MCC: variants seen among roughly 807,000 people sequenced by gnomAD.
MCC encodes MCC regulator of Wnt signaling pathway.
In MCC, 90 loss-of-function variants were observed where a neutral mutation model predicts 116.2. The ratio of observed to expected loss-of-function variants is 0.77; its 90% CI spans 0.65 to 0.92. The LOEUF (loss-of-function observed/expected upper bound fraction) is 0.92, where lower values mean the gene tolerates loss of function less well. Among genes scored for constraint, MCC ranks in the 40% least tolerant of loss-of-function variants. MCC has a pLI of 0.00. For missense variants in MCC, 1,516 were observed against 1,312.2 expected (o/e 1.16, Z -2.40); for synonymous variants, 578 against 510.5 (o/e 1.13, Z -1.78).
chr5:113,289,565 G>A (rs1159684718), intron 3 of MCC, among the ~76,000 whole-genome samples: 1 of 152,040 alleles, frequency 6.6e-6, no homozygotes, highest in Non-Finnish European at 1.5e-5. Flanking sequence ...CATATTTTAA[G>A]AGAACAGGCA....
intron 3 of MCC, among the ~76,000 whole-genome samples, chr5:113,311,328 T>C (rs972876308): frequency 3.3e-5 from 5 of 152,224 alleles, no homozygotes; most frequent in Admixed American, 6.5e-5. Flanking sequence ...GAATTAATGG[T>C]ATGCCCGTGT....
At chr5:113,289,564 A>C (rs1486011967) in intron 3 of MCC, among the ~76,000 whole-genome samples, 1 of 152,116 alleles carries the variant, frequency 6.6e-6, no homozygotes, top group Non-Finnish European at 1.5e-5. Flanking sequence ...CCATATTTTA[A>C]GAGAACAGGC....
chr5:113,061,807 G>A (rs1295755833), intron 14 of MCC, among the ~76,000 whole-genome samples: 2 of 152,168 alleles, frequency 1.3e-5, no homozygotes, highest in Non-Finnish European at 2.9e-5. Flanking sequence ...GGGGGGAAAG[G>A]AGATTTGCTG....
rs145340751 is a variant in MCC at position 113,288,580 on chromosome 5, T to C, written c.627+51939A>G. On this transcript the variant is annotated intron_variant, in intron 3 of 18. Coordinates refer to ENST00000408903, the MANE Select transcript of MCC (RefSeq NM_001085377.2). ...GGCTATGGCAGTGACTATATCCCTT[T>C]ACTCTAATCATATCATTTCATTTTT... Among the ~76,000 whole-genome samples, 4 of 152,378 alleles carry C rather than the reference T, an allele frequency of 2.6e-5. No homozygotes were observed. The East Asian group carries it at 7.7e-4, about 29-fold the overall frequency.
At chr5:113,457,361 C>A (rs186525850) in intron 1 of MCC, among the ~76,000 whole-genome samples, 63 of 152,352 alleles carry the variant, frequency 4.1e-4, no homozygotes, top group African/African-American at 1.5e-3. Flanking sequence ...GATTTCTCGC[C>A]GGGCCTTAGC....
rs747838302 is a variant in MCC, at chr5:113,143,267, T to C, written c.835A>G (p.Ile279Val). 1.2e-6 allele frequency: 2 copies of C among 1,613,268 alleles called. No homozygotes were observed. The highest frequency in any genetic ancestry group is 1.1e-5 in the South Asian group (1 of 90,916). The change falls in exon 5 of 19, where the codon ATT becomes GTT. Residue 279 changes from isoleucine (I) to valine (V), a missense_variant. Physicochemically the swap from Ile to Val is conservative, Grantham distance 29 (BLOSUM62 3). Transcript: ENST00000408903. ...EERITELHSV[I>V]AELNKKIDRL... is the part of the protein sequence containing the mutation. ...TCTATCTTCTTGTTGAGCTCCGCAA[T>C]GACGCTGTGGAGCTCTGTGATGCGT...
intron 1 of MCC, among the ~76,000 whole-genome samples, chr5:113,431,615 G>A (rs554622699): frequency 6.6e-6 from 1 of 152,286 alleles, no homozygotes; most frequent in South Asian, 2.1e-4. Context: ...AGGGACACCT[G>A]AGTACCGACT....
At chr5:113,146,295 G>GGT (rs1759515207) in intron 4 of MCC, among the ~76,000 whole-genome samples, 4 of 91,864 alleles carry the variant, frequency 4.4e-5, no homozygotes, top group Admixed American at 1.1e-4. Context: ...CTCTTCTGGA[G>GGT]AACAAATACC....
At chr5:113,462,176 T>A (rs925858781) in intron 1 of MCC, among the ~76,000 whole-genome samples, 175 of 152,378 alleles carry the variant, frequency 1.1e-3, no homozygotes, top group South Asian at 4.1e-4. Flanking sequence ...CTGGTAGAGC[T>A]AGGCCTCTGG....
At chr5:113,471,451 G>C (rs1354331000) in intron 1 of MCC, among the ~76,000 whole-genome samples, 3 of 152,108 alleles carry the variant, frequency 2.0e-5, no homozygotes, top group African/African-American at 7.2e-5. Context: ...GACCCTTTCT[G>C]CCTGGGTATC....
chr5:113,126,208 C>T (rs1189920272), intron 5 of MCC, among the ~76,000 whole-genome samples: 2 of 152,146 alleles, frequency 1.3e-5, no homozygotes, highest in African/African-American at 2.4e-5. Context: ...AACAACATAA[C>T]AAATGTTCCT....
intron 3 of MCC, among the ~76,000 whole-genome samples, chr5:113,181,622 T>C (rs543866843): frequency 9.3e-4 from 142 of 152,302 alleles, no homozygotes; most frequent in Non-Finnish European, 1.4e-3. Flanking sequence ...GGGTTTGTTT[T>C]CTCAGCTACA....
At chr5:113,200,272 T>G (rs1283270545) in intron 3 of MCC, among the ~76,000 whole-genome samples, 1 of 152,160 alleles carries the variant, frequency 6.6e-6, no homozygotes, top group African/African-American at 2.4e-5. Flanking sequence ...GTAAACATCA[T>G]GAATTTGAAA....
In MCC at chr5:113,236,197, A is replaced by G. The variant is rs115343760; in HGVS notation, c.628-84775T>C. Among the ~76,000 whole-genome samples, 483 of 152,268 alleles carry G rather than the reference A, an allele frequency of 3.2e-3. 3 individuals carry two copies. The highest frequency in any genetic ancestry group is 0.011 in the African/African-American group (458 of 41,536). On this transcript the variant is annotated intron_variant, in intron 3 of 18. Coordinates refer to ENST00000408903, the MANE Select transcript of MCC (RefSeq NM_001085377.2). ...AGCTGAGAGAGGTGAGGTATGCTTG[A>G]GCCTAGGTTTGAAATAATATTGCTG...
chr5:113,048,941 T>G (rs1752297598), intron 16 of MCC, 152 bp downstream of exon 16: 1 of 695,984 alleles, frequency 1.4e-6, no homozygotes, highest in Non-Finnish European at 2.5e-6. Context: ...ACACTCAAAA[T>G]GTCACCTTCT....
intron 17 of MCC, among the ~76,000 whole-genome samples, chr5:113,041,046 C>A (rs1751675405): frequency 6.6e-6 from 1 of 152,218 alleles, no homozygotes; most frequent in African/African-American, 2.4e-5. Context: ...TTGTTGAGGG[C>A]ATTTTTCTGC....
intron 3 of MCC, among the ~76,000 whole-genome samples, chr5:113,174,412 G>C (rs1361318138): frequency 6.6e-6 from 1 of 152,018 alleles, no homozygotes; most frequent in African/African-American, 2.4e-5. Flanking sequence ...TGATTTACTA[G>C]TTTTAAGATA....
chr5:113,137,291 C>T (rs1238885231), intron 5 of MCC, among the ~76,000 whole-genome samples: 1 of 152,242 alleles, frequency 6.6e-6, no homozygotes, highest in South Asian at 2.1e-4. Context: ...TGGAAGAAAC[C>T]AGTCACCTCC....
At chr5:113,433,359 T>A in intron 1 of MCC, 1 of 418,248 alleles carries the variant, frequency 2.4e-6, no homozygotes. Flanking sequence ...CCGGGGACGA[T>A]GAAAGGAGGA....
Sources: allele counts gnomAD v4.1 joint callset (sites outside exome capture counted in the v4.1 genomes callset), GRCh38; gene constraint gnomAD v4.1.1; transcripts MANE v1.5; gene names NCBI Gene and HGNC (gene_info 2026-07-23, HGNC 2026-07-21).